KIF1B: variants seen among roughly 807,000 people sequenced by gnomAD.
KIF1B encodes the protein kinesin family member 1B.
In KIF1B, 76 loss-of-function variants were observed where a neutral mutation model predicts 241.9. That is an observed-to-expected ratio of 0.31 (90% CI 0.26 to 0.38). The LOEUF is 0.38. Ranked by LOEUF, KIF1B falls within the 10% of genes least tolerant of loss-of-function variation. KIF1B has a pLI of 1.00. For missense variants in KIF1B, 1,622 were observed against 2,271.4 expected (o/e 0.71, Z 5.81); for synonymous variants, 750 against 796.7 (o/e 0.94, Z 0.99).
intron 22 of KIF1B, chr1:10,304,780 A>G: frequency 1.3e-6 from 2 of 1,524,902 alleles, no homozygotes; most frequent in South Asian, 2.5e-5. Context: ...TTATATTGTT[A>G]AGACAAAACA....
chr1:10,353,254 A>G (rs1652862207), intron 38 of KIF1B, among the ~76,000 whole-genome samples: 1 of 152,250 alleles, frequency 6.6e-6, no homozygotes, highest in Admixed American at 6.5e-5. Context: ...TTATGCACAA[A>G]AGCGATAAAT....
intron 9 of KIF1B, chr1:10,272,527 TAA>T: frequency 1.6e-6 from 1 of 614,892 alleles, no homozygotes; most frequent in Non-Finnish European, 3.0e-6. Context: ...TATAGATCTG[TAA>T]AAACTAGAGC....
intron 13 of KIF1B, chr1:10,278,675 A>G: frequency 5.5e-6 from 1 of 182,266 alleles, no homozygotes. Flanking sequence ...TATGAAGTTC[A>G]AGAACTACAC....
At chr1:10,227,113 G>A (rs1441304544) in intron 1 of KIF1B, among the ~76,000 whole-genome samples, 2 of 135,238 alleles carry the variant, frequency 1.5e-5, no homozygotes, top group African/African-American at 5.7e-5. Context: ...TCAGCTCACT[G>A]CAACCTCTGC....
intron 2 of KIF1B, among the ~76,000 whole-genome samples, chr1:10,239,277 C>A (rs148021530): frequency 8.5e-5 from 13 of 152,294 alleles, no homozygotes; most frequent in African/African-American, 2.4e-4. Flanking sequence ...CTACCATTAA[C>A]ATCTGGATCT....
chr1:10,310,593 C>T (rs1330956982), intron 22 of KIF1B, among the ~76,000 whole-genome samples: 1 of 151,486 alleles, frequency 6.6e-6, no homozygotes, highest in Non-Finnish European at 1.5e-5. Flanking sequence ...CATAGTTTGC[C>T]GACCCCGATC....
At chr1:10,355,057 A>G (rs901152225) in intron 38 of KIF1B, among the ~76,000 whole-genome samples, 15 of 152,076 alleles carry the variant, frequency 9.9e-5, no homozygotes, top group African/African-American at 3.6e-4. Flanking sequence ...TTTTCCCTTA[A>G]CTCCACAGCA....
At chr1:10,241,227 TC>T (rs1647132696) in intron 2 of KIF1B, among the ~76,000 whole-genome samples, 1 of 151,950 alleles carries the variant, frequency 6.6e-6, no homozygotes. Context: ...TCCGCCTACC[TC>T]ACTCCCCTAG....
At chr1:10,343,189 A>G in intron 33 of KIF1B, 43 bp from the exon 34 acceptor site, 1 of 1,607,288 alleles carries the variant, frequency 6.2e-7, no homozygotes, top group Non-Finnish European at 8.5e-7. Flanking sequence ...TCTAAAATAA[A>G]TAACTCTTTA....
intron 5 of KIF1B, among the ~76,000 whole-genome samples, chr1:10,264,689 TCTCA>T (rs1251074070): frequency 1.3e-5 from 2 of 152,006 alleles, no homozygotes; most frequent in African/African-American, 4.8e-5. Context: ...GGAGACAGAG[TCTCA>T]CTCTGTCACC....
At chr1:10,229,845 GTGA>G (rs1646955916) in intron 1 of KIF1B, among the ~76,000 whole-genome samples, 1 of 128,904 alleles carries the variant, frequency 7.8e-6, no homozygotes, top group South Asian at 2.6e-4. Flanking sequence ...AGCCTCCTGG[GTGA>G]TGGAGTGAGA....
At chr1:10,267,645 T>C (rs1648540688) in intron 6 of KIF1B, 87 bp downstream of exon 6, 1 of 1,285,788 alleles carries the variant, frequency 7.8e-7, no homozygotes, top group Admixed American at 1.8e-5. Context: ...GCCACATTTA[T>C]AGCTATGAAA....
In KIF1B at chr1:10,372,645, GCCAGCTTGGGTGACAGAGCTGTCA is replaced by G. The variant is rs1236608213; in HGVS notation, c.4946+1386_4946+1409del. Among the ~76,000 whole-genome samples the G allele has an allele frequency of 3.3e-5, 4 of 122,688 alleles. No homozygotes were observed. In the East Asian group the frequency reaches 1.2e-3, roughly 36 times the overall value. The allele number at this position is 122,688 out of a possible 152,430, so 80.5% of individuals were successfully genotyped here. A position where few individuals can be genotyped will look rare whatever the true frequency, so the allele number is the denominator to read the frequency against. ...GTGAGCCGAGATTGCGCCGCTGCGC[GCCAGCTTGGGTGACAGAGCTGTCA>G]CCCAAGCTGGCGCGCAGCGGCGCAA... On this transcript the variant is annotated intron_variant, in intron 45 of 48. Coordinates refer to ENST00000676179, the MANE Select transcript of KIF1B (RefSeq NM_001365951.3).
chr1:10,264,355 G>C (rs1235655372), intron 5 of KIF1B, among the ~76,000 whole-genome samples: 1 of 152,244 alleles, frequency 6.6e-6, no homozygotes, highest in Admixed American at 6.5e-5. Context: ...GGCATCTGGA[G>C]TGGTTGGTGC....
At chr1:10,215,172 A>ATATTTTT (rs1377684765) in intron 1 of KIF1B, among the ~76,000 whole-genome samples, 6 of 45,360 alleles carry the variant, frequency 1.3e-4, no homozygotes, top group African/African-American at 6.0e-4. Flanking sequence ...ATATATATAT[A>ATATTTTT]TTTTTTTTTT....
intron 1 of KIF1B, among the ~76,000 whole-genome samples, chr1:10,220,902 A>G (rs954730963): frequency 6.6e-6 from 1 of 151,900 alleles, no homozygotes; most frequent in African/African-American, 2.4e-5. Context: ...ACCTCAAGTG[A>G]TCCACCCACC....
rs1168529671 is a variant in KIF1B, at chr1:10,311,890, AC to A, written c.2116-8151del. Among the ~76,000 whole-genome samples, 23 of 151,298 alleles carry A rather than the reference AC, an allele frequency of 1.5e-4. 1 individual carries two copies. The highest frequency in any genetic ancestry group is 5.4e-4 in the African/African-American group (22 of 40,718). ...GTATTACATGTATTAATACACATAAACCTTTTACATGTTTTGACTCATTGAG... is the reference window on the plus strand; with the variant it reads ...GTATTACATGTATTAATACACATAAACTTTTACATGTTTTGACTCATTGAG... On this transcript the variant is annotated intron_variant, in intron 22 of 48. Coordinates refer to ENST00000676179, the MANE Select transcript of KIF1B (RefSeq NM_001365951.3).
Position 10,375,307 on chromosome 1 carries a change from C to A in KIF1B, c.5342C>A (p.Ala1781Asp). The A allele has an allele frequency of 6.2e-7, 1 of 1,614,198 alleles. No homozygotes were observed. The highest frequency in any genetic ancestry group is 8.5e-7 in the Non-Finnish European group (1 of 1,180,038). Residue 1781 changes from alanine (A) to aspartate (D), a missense_variant, in exon 48 of 49, where the codon GCC becomes GAC. Ala to Asp is a moderately radical substitution (Grantham distance 126). Transcript: ENST00000676179. ...AAGCACCGTGGGGTCCTTTTGCAGG[C>A]CCTCAATGACAAAGACATGAACGAC... The part of the protein sequence containing the change: ...CTKHRGVLLQ[A>D]LNDKDMNDWL...
intron 1 of KIF1B, among the ~76,000 whole-genome samples, chr1:10,212,880 A>G (rs538659762): frequency 0.024 from 2,679 of 113,888 alleles, 53 homozygotes; most frequent in Non-Finnish European, 0.033. Context: ...GTGTGTGTGC[A>G]TGCGTGTGTG....
Sources: gnomAD v4.1 joint callset for allele counts (sites outside exome capture counted in the v4.1 genomes callset) on GRCh38, gnomAD v4.1.1 for gene constraint, MANE v1.5 for transcripts, NCBI Gene and HGNC (gene_info 2026-07-23, HGNC 2026-07-21) for gene names.